The following ZNF275 variants were observed in gnomAD, a reference collection of about 807,000 sequenced individuals.
The protein encoded by ZNF275 is zinc finger protein 275.
In ZNF275, 4 loss-of-function variants were observed where a neutral mutation model predicts 4.3. That is an observed-to-expected ratio of 0.93 (90% CI 0.46 to 2.13). The LOEUF (loss-of-function observed/expected upper bound fraction) is 2.13. Ranked by LOEUF, ZNF275 falls within the 30% of genes most tolerant of loss-of-function variation. The probability of loss-of-function intolerance (pLI) is 0.02; values close to 1 mark genes in which losing one functional copy is unlikely to be tolerated. For synonymous variants in ZNF275, 173 were observed against 166.9 expected, an observed-to-expected ratio of 1.04 and a Z score of -0.28; for missense variants, 352 against 397.1, an observed-to-expected ratio of 0.89 and a Z score of 0.97.
chrX:153,348,184 A>G lies in ZNF275; in HGVS notation c.*209A>G. The G allele has an allele frequency of 4.4e-6, 1 of 229,200 alleles. No homozygotes were observed. The highest frequency in any genetic ancestry group is 7.9e-6 in the Non-Finnish European group (1 of 126,277). 18.9% of individuals were successfully genotyped at this position (229,200 alleles called of 1,213,427 possible). On this transcript the variant is annotated 3_prime_UTR_variant, in exon 4 of 4. Coordinates refer to ENST00000650114, the MANE Select transcript of ZNF275 (RefSeq NM_001367757.1). ...ACTTAGTTTGGCTAGTTTAACTGGT[A>G]GGAAGTACCATCAAGGTATTTCAGT... is the stretch of plus-strand genomic sequence containing the variant.
chrX:153,341,267 TC>T (rs2088478730), intron 2 of ZNF275, among the ~76,000 whole-genome samples: 1 of 112,182 alleles, frequency 8.9e-6, no homozygotes, highest in Non-Finnish European at 1.9e-5. Context: ...ATTTGCCTCT[TC>T]CATTCTTTTT....
In ZNF275 at chrX:153,352,269, C is replaced by T. The variant is rs374287461; in HGVS notation, c.*4294C>T. 5.4e-5 allele frequency: 6 copies of T among 112,034 alleles called. No individual in the cohort carries two copies. Among genetic ancestry groups the T allele is most frequent in the African/African-American group, 1.9e-4 (6 of 30,801 alleles). 9.2% of individuals were successfully genotyped at this position (112,034 alleles called of 1,213,427 possible). ...ATTGTGTTTTGCCACTTGGCTGCTT[C>T]CTGGCCAAGTCGCACCTGACTGCAT... On this transcript the variant is annotated 3_prime_UTR_variant, in exon 4 of 4. Coordinates refer to ENST00000650114, the MANE Select transcript of ZNF275 (RefSeq NM_001367757.1).
intron 2 of ZNF275, among the ~76,000 whole-genome samples, chrX:153,340,184 A>G (rs2088472699): frequency 8.9e-6 from 1 of 112,098 alleles, no homozygotes; most frequent in Non-Finnish European, 1.9e-5. Context: ...GCACCCGAGG[A>G]TGAACACGAT....
Position 153,348,831 on chromosome X carries a change from C to T in ZNF275, c.*856C>T, listed in dbSNP as rs2088538783. 8.1e-6 allele frequency: 1 copy of T among 123,507 alleles called. No homozygotes were observed. The highest frequency in any genetic ancestry group is 3.2e-5 in the African/African-American group (1 of 30,835). The allele number at this position is 123,507 out of a possible 1,213,427, so 10.2% of individuals were successfully genotyped here. ...CATACTTTTTCAAACAACCTTTAAACGTCTTTTCTTTTAAAGCACCCAAAA... is the reference window on the plus strand; with the variant it reads ...CATACTTTTTCAAACAACCTTTAAATGTCTTTTCTTTTAAAGCACCCAAAA... On this transcript the variant is annotated 3_prime_UTR_variant, in exon 4 of 4. Coordinates refer to ENST00000650114, the MANE Select transcript of ZNF275 (RefSeq NM_001367757.1).
intron 2 of ZNF275, among the ~76,000 whole-genome samples, chrX:153,339,137 T>A (rs1164176616): frequency 1.8e-5 from 2 of 110,638 alleles, no homozygotes; most frequent in African/African-American, 6.6e-5. Flanking sequence ...ACACATTGAT[T>A]CAGTCACCCC....
rs782635429 is a variant in ZNF275, at chrX:153,347,814, T to C, written c.1129T>C (p.Tyr377His). 15 of 1,209,344 alleles carry C rather than the reference T, an allele frequency of 1.2e-5. No individual in the cohort carries two copies. The highest frequency in any genetic ancestry group is 3.5e-5 in the African/African-American group (2 of 57,581). ...GCGCATCCACAGCGGACTGAAACCC[T>C]ATGAGTGCGACAAATGCGGCAAGGC... ...HRRIHSGLKP[Y>H]ECDKCGKAFR... Residue 377 changes from tyrosine to histidine, a missense_variant, in exon 4 of 4, where the codon TAT (tyrosine) becomes CAT (histidine). Coordinates refer to ENST00000650114, the MANE Select transcript of ZNF275 (RefSeq NM_001367757.1).
At chrX:153,340,521 G>A (rs2088474825) in intron 2 of ZNF275, among the ~76,000 whole-genome samples, 1 of 113,017 alleles carries the variant, frequency 8.8e-6, no homozygotes, top group Non-Finnish European at 1.9e-5. Flanking sequence ...CTTCTCACAT[G>A]CTGAGCAGCT....
In ZNF275 at chrX:153,336,693, C is replaced by T; in HGVS notation, c.14C>T (p.Pro5Leu). 8.6e-7 allele frequency: 1 copy of T among 1,167,442 alleles called. No individual in the cohort carries two copies. The highest frequency in any genetic ancestry group is 2.6e-5 in the Admixed American group (1 of 38,766). ...TAGTTCTGAGGCATGATGAGTCATC[C>T]GTGTGTGTCTCTTTTGGGTAAGTCT... MMSH[P>L]CVSLLGVPVL... The change falls in exon 2 of 4, where the codon CCG (proline) becomes CTG (leucine). Residue 5 changes from proline (P) to leucine (L), a missense_variant. By Grantham distance (98) the Pro-to-Leu change is moderately conservative. Transcript: ENST00000650114.
intron 2 of ZNF275, among the ~76,000 whole-genome samples, chrX:153,338,660 CTGTGTG>C (rs372399918): frequency 0.028 from 2,176 of 76,439 alleles, 19 homozygotes; most frequent in Middle Eastern, 0.059. Flanking sequence ...CTTGGGAGGA[CTGTGTG>C]TGTGTGTGTG....
At chrX:153,338,843 A>G (rs1484810041) in intron 2 of ZNF275, among the ~76,000 whole-genome samples, 1 of 110,338 alleles carries the variant, frequency 9.1e-6, no homozygotes, top group Non-Finnish European at 1.9e-5. Flanking sequence ...GGCCTAGATG[A>G]CACTAAGCCT....
In ZNF275 at chrX:153,350,495, G is replaced by A. The variant is rs2088549696; in HGVS notation, c.*2520G>A. 8.1e-6 allele frequency: 1 copy of A among 124,016 alleles called. No homozygotes were observed. The highest frequency in any genetic ancestry group is 3.2e-5 in the African/African-American group (1 of 31,012). The allele number at this position is 124,016 out of a possible 1,213,427, so 10.2% of individuals were successfully genotyped here. A position where few individuals can be genotyped will look rare whatever the true frequency, so the allele number is the denominator to read the frequency against. ...AGCAGCAAGGGCTAGCGAGGAACCT[G>A]CCCCTCCAGTGGCCCACAGAAGCCA... On this transcript the variant is annotated 3_prime_UTR_variant, in exon 4 of 4. Transcript: ENST00000650114.
At chrX:153,335,459 T>C (rs1556960521) in intron 1 of ZNF275, 2 of 106,268 alleles carry the variant, frequency 1.9e-5, no homozygotes, top group Non-Finnish European at 3.9e-5. Flanking sequence ...AGAAGCCACT[T>C]GCACAGTATC....
rs2088563158 is a variant in ZNF275, at chrX:153,352,603, C to T, written c.*4628C>T. ...TTACTTTGAAAAGCAGAAACTGTCT[C>T]TTTAAACTTGGCCCTCAATGTCATT... On this transcript the variant is annotated 3_prime_UTR_variant, in exon 4 of 4. Transcript: ENST00000650114. The T allele has an allele frequency of 1.8e-5, 2 of 112,590 alleles. No individual in the cohort carries two copies. Among genetic ancestry groups the T allele is most frequent in the Non-Finnish European group, 3.8e-5 (2 of 53,330 alleles). 9.3% of individuals were successfully genotyped at this position (112,590 alleles called of 1,213,427 possible).
chrX:153,345,494 T>A, intron 2 of ZNF275, 26 bp from the exon 3 acceptor site: 1 of 1,166,180 alleles, frequency 8.6e-7, no homozygotes, highest in Non-Finnish European at 1.2e-6. Flanking sequence ...GCTGTTGCCA[T>A]AACCAATCTC....
intron 1 of ZNF275, 29 bp from the exon 2 acceptor site, chrX:153,336,605 T>G: frequency 9.3e-7 from 1 of 1,073,566 alleles, no homozygotes; most frequent in Middle Eastern, 2.5e-4. Flanking sequence ...GGTCTGCTTC[T>G]GTTCACCTGA....
intron 2 of ZNF275, chrX:153,344,451 G>A (rs1034451781): frequency 5.1e-5 from 14 of 276,854 alleles, no homozygotes; most frequent in African/African-American, 3.9e-4. Flanking sequence ...TGATTGAATG[G>A]AGGTCCCTTG....
Position 153,350,704 on chromosome X carries a change from G to C in ZNF275, c.*2729G>C, listed in dbSNP as rs1192505598. The C allele has an allele frequency of 1.6e-5, 2 of 124,336 alleles. No individual in the cohort carries two copies. Among genetic ancestry groups the C allele is most frequent in the African/African-American group, 6.4e-5 (2 of 31,158 alleles). The allele number at this position is 124,336 out of a possible 1,213,427, so 10.2% of individuals were successfully genotyped here. Reference sequence around the variant, plus strand: ...CTCAGGCACCCATCCTGACCCCCAGGCTGGAGAGGAGCCAAAAGCACTTGT... The same window carrying C: ...CTCAGGCACCCATCCTGACCCCCAGCCTGGAGAGGAGCCAAAAGCACTTGT... On this transcript the variant is annotated 3_prime_UTR_variant, in exon 4 of 4. Coordinates refer to ENST00000650114, the MANE Select transcript of ZNF275 (RefSeq NM_001367757.1).
intron 2 of ZNF275, 48 bp from the exon 3 acceptor site, chrX:153,345,472 A>G (rs1180969673): frequency 8.6e-6 from 9 of 1,051,847 alleles, no homozygotes; most frequent in Non-Finnish European, 1.1e-5. Flanking sequence ...CACTATTCTC[A>G]TGTCATCTCT....
rs187533965 is a variant in ZNF275 at position 153,335,052 on chromosome X, C to G, written c.-47+767C>G. On this transcript the variant is annotated intron_variant, in intron 1 of 3. Coordinates refer to ENST00000650114, the MANE Select transcript of ZNF275 (RefSeq NM_001367757.1). Reference sequence around the variant, plus strand: ...GCCATCTCCCACTTCAGTGCCCCCGCCCCCTTAAACTCCTTTGCTGGCTCC... The same window carrying G: ...GCCATCTCCCACTTCAGTGCCCCCGGCCCCTTAAACTCCTTTGCTGGCTCC... Among the ~76,000 whole-genome samples the G allele has an allele frequency of 7.6e-3, 828 of 109,382 alleles. 9 individuals carry two copies. The highest frequency in any genetic ancestry group is 0.026 in the African/African-American group (789 of 30,144). 95.0% of individuals were successfully genotyped at this position (109,382 alleles called of 115,157 possible). A position where few individuals can be genotyped will look rare whatever the true frequency, so the allele number is the denominator to read the frequency against.
Sources: allele counts gnomAD v4.1 joint callset (sites outside exome capture counted in the v4.1 genomes callset), GRCh38; gene constraint gnomAD v4.1.1; transcripts MANE v1.5; gene names NCBI Gene and HGNC (gene_info 2026-07-23, HGNC 2026-07-21).